Variants in CSMD1 observed in about 807,000 individuals in gnomAD.
CSMD1 encodes the protein CUB and Sushi multiple domains 1.
CSMD1 carries 213 observed loss-of-function variants against 417.5 expected under a neutral mutation model. That is an observed-to-expected ratio of 0.51 (90% CI 0.46 to 0.57). CSMD1 has a LOEUF of 0.57. CSMD1 is among the 20% of genes least tolerant of loss of function. CSMD1 has a pLI of 0.00. For synonymous variants in CSMD1, 2,862 were observed against 1,736.8 expected, an observed-to-expected ratio of 1.65 and a Z score of -16.11; for missense variants, 6,923 against 4,529.7, an observed-to-expected ratio of 1.53 and a Z score of -15.17.
intron 27 of CSMD1, among the ~76,000 whole-genome samples, chr8:3,229,103 G>A (rs942098157): frequency 6.6e-6 from 1 of 151,902 alleles, no homozygotes; most frequent in Non-Finnish European, 1.5e-5. Context: ...AGCTCCCCAA[G>A]ACCACTGAGA....
At chr8:4,714,042 G>C (rs765329059) in intron 1 of CSMD1, among the ~76,000 whole-genome samples, 1 of 152,208 alleles carries the variant, frequency 6.6e-6, no homozygotes, top group Non-Finnish European at 1.5e-5. Flanking sequence ...CTACTCGGGA[G>C]ACTGAGGCAG....
At chr8:3,216,278 A>G (rs259865) in intron 29 of CSMD1, among the ~76,000 whole-genome samples, 6,322 of 152,208 alleles carry the variant, frequency 0.042, 431 homozygotes, top group African/African-American at 0.14. Flanking sequence ...ATACAGATCA[A>G]ATAAGTAAAC....
chr8:3,013,723 C>T (rs539733816), intron 52 of CSMD1, among the ~76,000 whole-genome samples: 33 of 151,142 alleles, frequency 2.2e-4, no homozygotes, highest in Middle Eastern at 3.4e-3. Flanking sequence ...CTGCACTCAG[C>T]CTGGGCAACT....
chr8:3,389,813 T>G (rs1361061405), intron 17 of CSMD1, among the ~76,000 whole-genome samples: 2 of 152,180 alleles, frequency 1.3e-5, no homozygotes, highest in African/African-American at 4.8e-5. Flanking sequence ...ACTCTTAAGG[T>G]CACAATTGAT....
At chr8:3,375,565 T>A (rs2116741946) in intron 18 of CSMD1, among the ~76,000 whole-genome samples, 1 of 152,142 alleles carries the variant, frequency 6.6e-6, no homozygotes, top group East Asian at 1.9e-4. Context: ...TATATATTTT[T>A]ATGAATAAAT....
In CSMD1 at chr8:4,056,206, C is replaced by T. The variant is rs567034740; in HGVS notation, c.416-24107G>A. Among the ~76,000 whole-genome samples, 56 of 151,104 alleles carry T rather than the reference C, an allele frequency of 3.7e-4. 1 individual carries two copies. In the East Asian group the frequency reaches 0.011, roughly 28 times the overall value. ...GAGCAATTCTCTTGCCTCAGCCTCC[C>T]GAGTAGCTGGGATTACAGGTGTGTA... On this transcript the variant is annotated intron_variant, in intron 3 of 69. Transcript: ENST00000635120.
rs1342832945 is a variant in CSMD1, at chr8:3,237,620, ATATATTTTTTATACTTATAC to A, written c.4154-7409_4154-7390del. On this transcript the variant is annotated intron_variant, in intron 26 of 69. Transcript: ENST00000635120. ...ATATAATTTTATACTTATACTATAA[ATATATTTTTTATACTTATAC>A]TATAATTTTTTAAATTATACTATAA... Among the ~76,000 whole-genome samples, 92 of 142,348 alleles carry A rather than the reference ATATATTTTTTATACTTATAC, an allele frequency of 6.5e-4. 1 individual carries two copies. Among genetic ancestry groups the A allele is most frequent in the African/African-American group, 2.2e-3 (86 of 39,842 alleles). The allele number at this position is 142,348 out of a possible 152,430, so 93.4% of individuals were successfully genotyped here. A position where few individuals can be genotyped will look rare whatever the true frequency, so the allele number is the denominator to read the frequency against.
At chr8:4,072,242 T>G (rs539980685) in intron 3 of CSMD1, among the ~76,000 whole-genome samples, 2 of 152,192 alleles carry the variant, frequency 1.3e-5, no homozygotes, top group South Asian at 2.1e-4. Context: ...TGAAGAAGGG[T>G]TGAATCCCAT....
At chr8:4,729,892 C>T (rs985081983) in intron 1 of CSMD1, among the ~76,000 whole-genome samples, 4 of 152,176 alleles carry the variant, frequency 2.6e-5, no homozygotes, top group African/African-American at 7.2e-5. Context: ...GGAACCTCAT[C>T]TGAAACTTCA....
chr8:3,550,265 G>A (rs1229884748), intron 10 of CSMD1, among the ~76,000 whole-genome samples: 1 of 151,952 alleles, frequency 6.6e-6, no homozygotes, highest in East Asian at 1.9e-4. Flanking sequence ...CTGTCACCAG[G>A]CCACTATGGC....
intron 32 of CSMD1, among the ~76,000 whole-genome samples, 165 bp from the exon 33 acceptor site, chr8:3,199,974 T>G (rs776268563): frequency 6.6e-6 from 1 of 152,194 alleles, no homozygotes; most frequent in Non-Finnish European, 1.5e-5. Context: ...TTATAAAGAT[T>G]AAAAACTCTG....
chr8:3,457,481 C>G (rs1488301498), intron 12 of CSMD1, among the ~76,000 whole-genome samples: 1 of 152,202 alleles, frequency 6.6e-6, no homozygotes. Flanking sequence ...AAGAGGTGAT[C>G]TAAAAGAAAC....
chr8:4,697,851 T>C (rs1807239443), intron 1 of CSMD1, among the ~76,000 whole-genome samples: 1 of 152,224 alleles, frequency 6.6e-6, no homozygotes, highest in Non-Finnish European at 1.5e-5. Flanking sequence ...AGTAAACTGC[T>C]TGATATTTGT....
chr8:3,880,924 T>C (rs1806164716), intron 5 of CSMD1, among the ~76,000 whole-genome samples: 1 of 152,162 alleles, frequency 6.6e-6, no homozygotes, highest in Non-Finnish European at 1.5e-5. Context: ...ATTTACCAAG[T>C]ATTACATTGG....
intron 7 of CSMD1, among the ~76,000 whole-genome samples, chr8:3,621,430 C>T (rs1372073249): frequency 6.6e-6 from 1 of 151,906 alleles, no homozygotes; most frequent in Non-Finnish European, 1.5e-5. Flanking sequence ...TTGCCAGGGG[C>T]TGGGGCAAAG....
At chr8:3,563,267 C>G (rs954689675) in intron 10 of CSMD1, among the ~76,000 whole-genome samples, 2 of 151,840 alleles carry the variant, frequency 1.3e-5, no homozygotes, top group Non-Finnish European at 2.9e-5. Flanking sequence ...TGACTTTTCT[C>G]ACACTCCTTC....
intron 10 of CSMD1, among the ~76,000 whole-genome samples, chr8:3,527,779 T>C (rs757447755): frequency 5.9e-5 from 9 of 152,146 alleles, no homozygotes; most frequent in Non-Finnish European, 1.2e-4. Flanking sequence ...ACCCTTTGGA[T>C]CTGTAAGTAT....
intron 2 of CSMD1, among the ~76,000 whole-genome samples, chr8:4,527,974 T>C (rs1223069939): frequency 6.6e-6 from 1 of 152,152 alleles, no homozygotes; most frequent in Non-Finnish European, 1.5e-5. Flanking sequence ...ATTCAGTCTC[T>C]ATAGAATCCA....
chr8:3,859,415 G>A (rs907587952), intron 5 of CSMD1, among the ~76,000 whole-genome samples: 3 of 152,124 alleles, frequency 2.0e-5, no homozygotes, highest in Non-Finnish European at 4.4e-5. Flanking sequence ...TTACAGATGT[G>A]TAGTAAAGAA....
Sources: gnomAD v4.1 joint callset for allele counts (sites outside exome capture counted in the v4.1 genomes callset) on GRCh38, gnomAD v4.1.1 for gene constraint, MANE v1.5 for transcripts, NCBI Gene and HGNC (gene_info 2026-07-23, HGNC 2026-07-21) for gene names.